The following MPRIP variants were observed in gnomAD, a reference collection of about 807,000 sequenced individuals.
MPRIP encodes the protein myosin phosphatase Rho interacting protein, also known as myosin phosphatase Rho-interacting protein.
Under a neutral mutation model 234.9 loss-of-function variants are expected in MPRIP, and 59 were observed. The observed-to-expected ratio is 0.25, with a 90% CI of 0.20 to 0.31. The LOEUF (loss-of-function observed/expected upper bound fraction) is 0.31. Ranked by LOEUF, MPRIP falls within the 10% of genes least tolerant of loss-of-function variation. The pLI is 1.00. For missense variants in MPRIP, 2,436 were observed against 3,071.0 expected (o/e 0.79, Z 4.89); for synonymous variants, 1,144 against 1,263.9 (o/e 0.91, Z 2.01).
rs967511573 is a variant in MPRIP at position 17,186,643 on chromosome 17, C to G, written c.*1749C>G. 1 of 152,124 alleles carries G rather than the reference C, an allele frequency of 6.6e-6. No individual in the cohort carries two copies. Among genetic ancestry groups the G allele is most frequent in the Admixed American group, 6.5e-5 (1 of 15,270 alleles). 9.4% of individuals were successfully genotyped at this position (152,124 alleles called of 1,614,324 possible). A position where few individuals can be genotyped will look rare whatever the true frequency, so the allele number is the denominator to read the frequency against. On this transcript the variant is annotated 3_prime_UTR_variant, in exon 24 of 24. Transcript: ENST00000651222. ...CTGAGGTAGTAGGATTGCTTGAGCC[C>G]GGGAGGTCGAGGCTGCAATCAGTCA...
chr17:17,080,653 A>G (rs2089441142), intron 3 of MPRIP, among the ~76,000 whole-genome samples: 1 of 152,216 alleles, frequency 6.6e-6, no homozygotes, highest in Admixed American at 6.5e-5. Context: ...TCCTTCACAG[A>G]ACAGCCCCCA....
intron 11 of MPRIP, among the ~76,000 whole-genome samples, chr17:17,147,985 C>T (rs1013109519): frequency 6.6e-6 from 1 of 152,180 alleles, no homozygotes; most frequent in African/African-American, 2.4e-5. Context: ...AGTTTCACTC[C>T]AGGAATCCCT....
chr17:17,081,311 C>T (rs1043410405), intron 3 of MPRIP, among the ~76,000 whole-genome samples: 2 of 152,170 alleles, frequency 1.3e-5, no homozygotes, highest in African/African-American at 4.8e-5. Context: ...GTTTGGGCGG[C>T]ACAAATCTAG....
intron 3 of MPRIP, among the ~76,000 whole-genome samples, chr17:17,109,558 A>G (rs2090128886): frequency 6.6e-6 from 1 of 152,196 alleles, no homozygotes; most frequent in Middle Eastern, 3.2e-3. Flanking sequence ...AAGATACATA[A>G]GGATACAGAG....
At chr17:17,156,572 C>A (rs2045734584) in intron 13 of MPRIP, among the ~76,000 whole-genome samples, 1 of 152,224 alleles carries the variant, frequency 6.6e-6, no homozygotes, top group African/African-American at 2.4e-5. Context: ...ATCTTGAAGT[C>A]CTGGGGTGGG....
At chr17:17,081,936 C>CA (rs2089471667) in intron 3 of MPRIP, among the ~76,000 whole-genome samples, 1 of 152,190 alleles carries the variant, frequency 6.6e-6, no homozygotes, top group South Asian at 2.1e-4. Context: ...GGCAGCCTCA[C>CA]AGACAAGTAA....
chr17:17,150,880 T>A (rs2144555454), intron 12 of MPRIP, among the ~76,000 whole-genome samples: 1 of 151,968 alleles, frequency 6.6e-6, no homozygotes, highest in South Asian at 2.1e-4. Flanking sequence ...AGGGTCTCAC[T>A]CTCTGTCCAG....
chr17:17,093,277 G>A (rs1411601155), intron 3 of MPRIP, among the ~76,000 whole-genome samples: 1 of 152,218 alleles, frequency 6.6e-6, no homozygotes, highest in Non-Finnish European at 1.5e-5. Flanking sequence ...GAACTCTCCT[G>A]CATTGGATGC....
rs190965657 is a variant in MPRIP, at chr17:17,084,552, G to A, written c.267+6476G>A. 1.3e-3 allele frequency among the ~76,000 whole-genome samples: 193 copies of A among 152,376 alleles called. 1 individual carries two copies. The highest frequency in any genetic ancestry group is 4.4e-3 in the African/African-American group (184 of 41,596). On this transcript the variant is annotated intron_variant, in intron 3 of 23. Coordinates refer to ENST00000651222, the MANE Select transcript of MPRIP (RefSeq NM_001364716.4). Reference sequence around the variant, plus strand: ...CAACTAATGAGTGACAGACCTTGATGTGTAGGCAAGGCAGACTCCTGCTGA... The same window carrying A: ...CAACTAATGAGTGACAGACCTTGATATGTAGGCAAGGCAGACTCCTGCTGA...
At position 17,186,938 on chromosome 17, in the gene MPRIP, G is replaced by A. The variant is rs1567788088; in HGVS notation, c.*2044G>A. 1 of 152,236 alleles carries A rather than the reference G, an allele frequency of 6.6e-6. No homozygotes were observed. Among genetic ancestry groups the A allele is most frequent in the Non-Finnish European group, 1.5e-5 (1 of 68,044 alleles). 9.4% of individuals were successfully genotyped at this position (152,236 alleles called of 1,614,324 possible). On this transcript the variant is annotated 3_prime_UTR_variant, in exon 24 of 24. Coordinates refer to ENST00000651222, the MANE Select transcript of MPRIP (RefSeq NM_001364716.4). ...AGTGCATCAGGATCTGACCAGATAG[G>A]AGTTTTTGCCTCGTGTCTGGGTGCT...
At chr17:17,158,177 G>A (rs915555533) in intron 13 of MPRIP, among the ~76,000 whole-genome samples, 1 of 152,192 alleles carries the variant, frequency 6.6e-6, no homozygotes, top group Non-Finnish European at 1.5e-5. Context: ...TCAGCTTTCT[G>A]AGGCTCTTTT....
chr17:17,062,248 C>T (rs964187696), intron 1 of MPRIP, among the ~76,000 whole-genome samples: 12 of 152,258 alleles, frequency 7.9e-5, no homozygotes, highest in Non-Finnish European at 1.6e-4. Flanking sequence ...CCTATTGAAG[C>T]CACTCTGCCA....
In MPRIP at chr17:17,138,452, G is replaced by T; in HGVS notation, c.1250+23G>T. 4.8e-6 allele frequency: 1 copy of T among 209,002 alleles called. No homozygotes were observed. The highest frequency in any genetic ancestry group is 1.2e-4 in the South Asian group (1 of 8,428). 12.9% of individuals were successfully genotyped at this position (209,002 alleles called of 1,614,324 possible). A position where few individuals can be genotyped will look rare whatever the true frequency, so the allele number is the denominator to read the frequency against. ...GAGGTAAGGAGCAGGTTAGAGGGTT[G>T]AACACCCAGGCCCACACACATGCAC... On this transcript the variant is annotated intron_variant, in intron 7 of 23. Coordinates refer to ENST00000651222, the MANE Select transcript of MPRIP (RefSeq NM_001364716.4). The surrounding 1 kb of genome is among the most constrained non-coding windows in gnomAD (Gnocchi z 5.8).
intron 3 of MPRIP, among the ~76,000 whole-genome samples, chr17:17,103,192 TGGG>T (rs1029921792): frequency 1.3e-5 from 2 of 152,214 alleles, no homozygotes; most frequent in African/African-American, 2.4e-5. Context: ...ACTCTGGCCA[TGGG>T]GTCTTTGTAA....
At chr17:17,129,965 C>T (rs2090564507) in intron 4 of MPRIP, among the ~76,000 whole-genome samples, 1 of 152,254 alleles carries the variant, frequency 6.6e-6, no homozygotes, top group East Asian at 1.9e-4. Flanking sequence ...GGGACCTCTG[C>T]TCCCAGCCAG....
chr17:17,171,972 T>C (rs1401111010), intron 17 of MPRIP, 107 bp downstream of exon 17: 1 of 1,281,136 alleles, frequency 7.8e-7, no homozygotes, highest in Non-Finnish European at 1.1e-6. Flanking sequence ...TTGGCTGAGA[T>C]GTAAACTTCA....
intron 3 of MPRIP, among the ~76,000 whole-genome samples, chr17:17,100,240 A>G (rs530278262): frequency 5.3e-5 from 8 of 152,188 alleles, no homozygotes; most frequent in African/African-American, 9.7e-5. Flanking sequence ...GAGCGCCTCA[A>G]TGCCCTTCCT....
chr17:17,078,103 G>A lies in MPRIP; in HGVS notation c.267+27G>A, dbSNP rs749901741. The A allele has an allele frequency of 1.1e-5, 17 of 1,612,542 alleles. No individual in the cohort carries two copies. The highest frequency in any genetic ancestry group is 1.3e-5 in the Non-Finnish European group (15 of 1,178,886). ...TAAGTGTTATCCTTGCCCACTCCCT[G>A]TCCCCAGCCTTCACCAAGTCCCTCC... is the stretch of plus-strand genomic sequence containing the variant. On this transcript the variant is annotated intron_variant, in intron 3 of 23. Coordinates refer to ENST00000651222, the MANE Select transcript of MPRIP (RefSeq NM_001364716.4). The surrounding 1 kb of genome is among the most constrained non-coding windows in gnomAD (Gnocchi z 4.3).
intron 3 of MPRIP, among the ~76,000 whole-genome samples, chr17:17,080,272 A>G (rs956393482): frequency 3.3e-5 from 5 of 152,092 alleles, no homozygotes; most frequent in African/African-American, 1.2e-4. Context: ...GGCTGGAGAG[A>G]TTTCTCTAGC....
Sources: gnomAD v4.1 joint callset for allele counts (sites outside exome capture counted in the v4.1 genomes callset) on GRCh38, gnomAD v4.1.1 for gene constraint, Gnocchi (gnomAD v3.1) non-coding constraint, MANE v1.5 for transcripts, NCBI Gene and HGNC (gene_info 2026-07-23, HGNC 2026-07-21) for gene names.